Variants in DTL observed in about 807,000 individuals in gnomAD.
DTL encodes the protein denticleless E3 ubiquitin protein ligase adapter.
Under a neutral mutation model 87.0 loss-of-function variants are expected in DTL, and 46 were observed. That is an observed-to-expected ratio of 0.53 (90% CI 0.42 to 0.68). The LOEUF (loss-of-function observed/expected upper bound fraction) is 0.68, where lower values mean the gene tolerates loss of function less well. DTL is among the 30% of genes least tolerant of loss of function. DTL has a pLI of 0.00. For synonymous variants in DTL, 308 were observed against 311.2 expected, an observed-to-expected ratio of 0.99 and a Z score of 0.11; for missense variants, 737 against 869.4, an observed-to-expected ratio of 0.85 and a Z score of 1.91.
intron 13 of DTL, among the ~76,000 whole-genome samples, chr1:212,085,554 A>G (rs1316930635): frequency 6.6e-6 from 1 of 152,190 alleles, no homozygotes. Flanking sequence ...TAAGTCCCTT[A>G]TCATGTAATG....
At chr1:212,097,469 T>C (rs1655484468) in intron 13 of DTL, among the ~76,000 whole-genome samples, 1 of 152,184 alleles carries the variant, frequency 6.6e-6, no homozygotes, top group African/African-American at 2.4e-5. Context: ...AGCCTTGTCT[T>C]TGAGCTCCAA....
At chr1:212,039,747 G>A (rs948156343) in intron 1 of DTL, among the ~76,000 whole-genome samples, 6 of 152,114 alleles carry the variant, frequency 3.9e-5, no homozygotes, top group Admixed American at 1.3e-4. Flanking sequence ...ATTGAATACC[G>A]TAGGCAACTG....
At chr1:212,067,000 A>G in intron 8 of DTL, 115 bp downstream of exon 8, 1 of 840,220 alleles carries the variant, frequency 1.2e-6, no homozygotes, top group Non-Finnish European at 1.9e-6. Flanking sequence ...CAACATAGCA[A>G]GTACCCCAAC....
At chr1:212,047,719 A>G (rs1045256453) in intron 5 of DTL, among the ~76,000 whole-genome samples, 4 of 152,124 alleles carry the variant, frequency 2.6e-5, no homozygotes, top group African/African-American at 9.7e-5. Context: ...TATTTTTAGT[A>G]GAGACGGGGT....
intron 5 of DTL, among the ~76,000 whole-genome samples, chr1:212,052,635 C>A (rs1403564857): frequency 2.3e-5 from 3 of 129,238 alleles, no homozygotes; most frequent in African/African-American, 8.6e-5. Flanking sequence ...CAGAGCGAGA[C>A]TCTGCCTCAA....
chr1:212,080,725 GA>G lies in DTL; in HGVS notation c.1242del (p.Glu415SerfsTer6). On this transcript the variant is annotated frameshift_variant, in exon 13 of 15. Transcript: ENST00000366991. LOFTEE classifies it high-confidence loss of function. ...CCACGGTGGGTTGGGCCTCTCAGAA[GA>G]AAAAAGAGTCAAGACCTGGCCTAGG... ...LSTVGWASQK[K>X]KESRPGLVTV... 2 of 1,613,072 alleles carry G rather than the reference GA, an allele frequency of 1.2e-6. No homozygotes were observed. The highest frequency in any genetic ancestry group is 1.7e-6 in the Non-Finnish European group (2 of 1,179,420).
chr1:212,035,992 CCGAAACACA>C, intron 1 of DTL, 50 bp downstream of exon 1: 1 of 1,580,724 alleles, frequency 6.3e-7, no homozygotes, highest in African/African-American at 1.3e-5. Context: ...TTCATTTCCC[CCGAAACACA>C]CGCCACCTCC....
intron 13 of DTL, among the ~76,000 whole-genome samples, chr1:212,091,080 A>G (rs149729304): frequency 6.6e-6 from 1 of 152,348 alleles, no homozygotes; most frequent in Non-Finnish European, 1.5e-5. Context: ...ATCTGTATTA[A>G]TGTGGGAAAT....
chr1:212,100,738 A>G lies in DTL; in HGVS notation c.1748A>G (p.Asn583Ser). ...CVTELDGQVE[N>S]LHLDLCCLAG... is the part of the protein sequence containing the mutation. ...ACTGAGCTTGATGGCCAAGTTGAAA[A>G]TCTTCATTTGGATCTGTGCTGCCTT... Residue 583 changes from asparagine (N) to serine (S), a missense_variant, in exon 14 of 15, where the codon AAT (asparagine) becomes AGT (serine). Asn to Ser is a conservative substitution (Grantham distance 46). Transcript: ENST00000366991. The G allele has an allele frequency of 6.2e-7, 1 of 1,614,124 alleles. No homozygotes were observed. The highest frequency in any genetic ancestry group is 8.5e-7 in the Non-Finnish European group (1 of 1,180,026).
At chr1:212,040,514 G>A (rs1035070269) in intron 1 of DTL, among the ~76,000 whole-genome samples, 29 of 152,226 alleles carry the variant, frequency 1.9e-4, no homozygotes. Flanking sequence ...TAAAAGTTAT[G>A]TGAAGGTGGC....
At chr1:212,088,861 C>T (rs538034018) in intron 13 of DTL, among the ~76,000 whole-genome samples, 15 of 152,218 alleles carry the variant, frequency 9.9e-5, no homozygotes, top group Non-Finnish European at 1.3e-4. Flanking sequence ...CCGAGGCAGG[C>T]GCATCACCTG....
At chr1:212,056,395 T>C (rs1668180240) in intron 5 of DTL, among the ~76,000 whole-genome samples, 1 of 152,144 alleles carries the variant, frequency 6.6e-6, no homozygotes, top group African/African-American at 2.4e-5. Context: ...AATGACTCTA[T>C]GGCCAAAAGA....
chr1:212,081,337 A>T (rs949397527), intron 13 of DTL, among the ~76,000 whole-genome samples: 2 of 152,212 alleles, frequency 1.3e-5, no homozygotes, highest in African/African-American at 4.8e-5. Context: ...CATGCTTGGC[A>T]TATTTTCTCT....
rs999279482 is a variant in DTL, at chr1:212,072,865, G to A, written c.1035+652G>A. On this transcript the variant is annotated intron_variant, in intron 11 of 14. Transcript: ENST00000366991. ...TGCAAGCTCCGCCTCCCAGGTTCAC[G>A]CCATTCTCCTGCCTCAGCCTCCCGA... 2.0e-5 allele frequency among the ~76,000 whole-genome samples: 3 copies of A among 149,996 alleles called. No individual in the cohort carries two copies. In the East Asian group the frequency reaches 5.9e-4, roughly 30 times the overall value.
chr1:212,087,165 A>C lies in DTL; in HGVS notation c.1261+6415A>C, dbSNP rs75001579. ...CTTGCTTAAAATCTCATAGCTATGA[A>C]GTTGTAGAACCAGAGTCTATAATTG... On this transcript the variant is annotated intron_variant, in intron 13 of 14. Transcript: ENST00000366991. Among the ~76,000 whole-genome samples the C allele has an allele frequency of 1.3e-3, 195 of 152,340 alleles. 4 individuals are homozygous for C. In the East Asian group the frequency reaches 0.034, roughly 27 times the overall value.
rs192476809 is a variant in DTL at position 212,056,342 on chromosome 1, G to T, written c.461-6542G>T. Among the ~76,000 whole-genome samples the T allele has an allele frequency of 3.3e-5, 5 of 152,274 alleles. No individual in the cohort carries two copies. The East Asian group carries it at 9.6e-4, about 29-fold the overall frequency. ...ATTTCTGGCAAAACTTAACCAGTCTGCACTAAAAACCACACTCTAATCTAC... is the reference window on the plus strand; with the variant it reads ...ATTTCTGGCAAAACTTAACCAGTCTTCACTAAAAACCACACTCTAATCTAC... On this transcript the variant is annotated intron_variant, in intron 5 of 14. Transcript: ENST00000366991.
chr1:212,088,190 GTGATAAAGT>G (rs1655184735), intron 13 of DTL, among the ~76,000 whole-genome samples: 1 of 152,160 alleles, frequency 6.6e-6, no homozygotes, highest in Non-Finnish European at 1.5e-5. Context: ...GCATTATTGA[GTGATAAAGT>G]TGATTATCCT....
chr1:212,077,964 T>C (rs1379337679), intron 11 of DTL, among the ~76,000 whole-genome samples: 1 of 152,156 alleles, frequency 6.6e-6, no homozygotes, highest in Non-Finnish European at 1.5e-5. Context: ...ATTTTGACTG[T>C]TTTCATTGTG....
Position 212,067,199 on chromosome 1 carries a change from G to A in DTL, c.713+314G>A, listed in dbSNP as rs576807092. The stretch of plus-strand genomic sequence containing the variant: ...TGCTTGCCTTATGCAATATAATTTA[G>A]TCACTAATTCTCATTTTGAAGAGTA... On this transcript the variant is annotated intron_variant, in intron 8 of 14. Transcript: ENST00000366991. Among the ~76,000 whole-genome samples, 3 of 152,280 alleles carry A rather than the reference G, an allele frequency of 2.0e-5. No homozygotes were observed. In the South Asian group the frequency reaches 6.2e-4, roughly 32 times the overall value.
Sources: allele counts gnomAD v4.1 joint callset (sites outside exome capture counted in the v4.1 genomes callset), GRCh38; gene constraint gnomAD v4.1.1; transcripts MANE v1.5; gene names NCBI Gene and HGNC (gene_info 2026-07-23, HGNC 2026-07-21).